The following CADM2 variants were observed in gnomAD, a reference collection of about 807,000 sequenced individuals.
The protein encoded by CADM2 is immunoglobulin superfamily member 4D.
In CADM2, 12 loss-of-function variants were observed where a neutral mutation model predicts 49.8. The observed-to-expected ratio is 0.24, with a 90% CI of 0.15 to 0.39. CADM2 has a LOEUF of 0.39. Ranked by LOEUF, CADM2 falls within the 10% of genes least tolerant of loss-of-function variation. The pLI, the probability that CADM2 is intolerant of heterozygous loss-of-function variation, is 1.00. For missense variants in CADM2, 378 were observed against 492.3 expected (o/e 0.77, Z 2.20); for synonymous variants, 214 against 175.4 (o/e 1.22, Z -1.74).
At chr3:85,085,919 G>T (rs1357364525) in intron 1 of CADM2, among the ~76,000 whole-genome samples, 2 of 152,070 alleles carry the variant, frequency 1.3e-5, no homozygotes, top group African/African-American at 4.8e-5. Flanking sequence ...CATGGGTAGG[G>T]CATCAGGGTG....
At chr3:86,047,765 A>G (rs1736843891) in intron 8 of CADM2, among the ~76,000 whole-genome samples, 1 of 151,852 alleles carries the variant, frequency 6.6e-6, no homozygotes, top group Admixed American at 6.6e-5. Flanking sequence ...AAAATTAACC[A>G]AAACACCAAC....
chr3:85,744,178 G>A (rs1377621624), intron 2 of CADM2, among the ~76,000 whole-genome samples: 1 of 152,126 alleles, frequency 6.6e-6, no homozygotes, highest in Non-Finnish European at 1.5e-5. Flanking sequence ...AACTCATGGA[G>A]AGTACAATGA....
intron 1 of CADM2, among the ~76,000 whole-genome samples, chr3:85,450,160 C>T (rs892423162): frequency 6.6e-6 from 1 of 152,014 alleles, no homozygotes; most frequent in African/African-American, 2.4e-5. Flanking sequence ...AAAGACGAAC[C>T]CTTGCATATT....
intron 1 of CADM2, among the ~76,000 whole-genome samples, chr3:84,984,899 A>C (rs1364576200): frequency 1.3e-5 from 2 of 152,210 alleles, no homozygotes; most frequent in Non-Finnish European, 2.9e-5. Flanking sequence ...TGTAATTCCA[A>C]GTAACCTTGA....
At chr3:85,815,424 T>C (rs1007108658) in intron 3 of CADM2, among the ~76,000 whole-genome samples, 2 of 152,158 alleles carry the variant, frequency 1.3e-5, no homozygotes, top group Admixed American at 6.6e-5. Flanking sequence ...ATACTTGGGA[T>C]GCAAGGCTGG....
chr3:85,057,914 A>G (rs2036150504), intron 1 of CADM2, among the ~76,000 whole-genome samples: 1 of 152,170 alleles, frequency 6.6e-6, no homozygotes, highest in African/African-American at 2.4e-5. Flanking sequence ...CATTTTCCCC[A>G]GAAACTTTTG....
chr3:85,290,095 G>T (rs1051885919), intron 1 of CADM2, among the ~76,000 whole-genome samples: 4 of 152,236 alleles, frequency 2.6e-5, no homozygotes, highest in Admixed American at 1.3e-4. Flanking sequence ...CACCGTGGGC[G>T]ATCCGAAGCA....
chr3:85,281,762 T>C (rs1193888953), intron 1 of CADM2, among the ~76,000 whole-genome samples: 1 of 152,112 alleles, frequency 6.6e-6, no homozygotes, highest in Non-Finnish European at 1.5e-5. Flanking sequence ...GTTGCAGATT[T>C]TGTATGTCAT....
At chr3:85,241,524 A>G (rs895151109) in intron 1 of CADM2, among the ~76,000 whole-genome samples, 1 of 151,570 alleles carries the variant, frequency 6.6e-6, no homozygotes, top group Non-Finnish European at 1.5e-5. Context: ...TTAGGATAAT[A>G]TCAACCATTT....
At chr3:85,945,730 C>G (rs192646084) in intron 7 of CADM2, among the ~76,000 whole-genome samples, 1 of 152,110 alleles carries the variant, frequency 6.6e-6, no homozygotes, top group Admixed American at 6.6e-5. Flanking sequence ...ATTCAACAGC[C>G]CTTCATGCTA....
chr3:85,001,333 AT>A (rs2033452719), intron 1 of CADM2, among the ~76,000 whole-genome samples: 3 of 152,026 alleles, frequency 2.0e-5, no homozygotes, highest in Admixed American at 1.3e-4. Flanking sequence ...AACTTAATTT[AT>A]TGATCTATTT....
At position 85,115,951 on chromosome 3, in the gene CADM2, A is replaced by G. The variant is rs138991344; in HGVS notation, c.61+156283A>G. Reference sequence around the variant, plus strand: ...AAGCATAAAGGATCCTAGTAACTGAATAACATCAGTAACACATTCATGATT... The same window carrying G: ...AAGCATAAAGGATCCTAGTAACTGAGTAACATCAGTAACACATTCATGATT... On this transcript the variant is annotated intron_variant, in intron 1 of 9. Coordinates refer to ENST00000383699, the MANE Select transcript of CADM2 (RefSeq NM_001167675.2). 7.7e-4 allele frequency among the ~76,000 whole-genome samples: 118 copies of G among 152,342 alleles called. 2 individuals carry two copies. In the East Asian group the frequency reaches 0.021, roughly 27 times the overall value.
chr3:85,196,027 G>C (rs1256458985), intron 1 of CADM2, among the ~76,000 whole-genome samples: 3 of 151,988 alleles, frequency 2.0e-5, no homozygotes, highest in Non-Finnish European at 4.4e-5. Flanking sequence ...TTTAATCTGA[G>C]TCTGACAATT....
At chr3:85,618,794 G>T (rs575613969) in intron 1 of CADM2, among the ~76,000 whole-genome samples, 47 of 151,928 alleles carry the variant, frequency 3.1e-4, no homozygotes, top group African/African-American at 1.1e-3. Flanking sequence ...TGTGACAATA[G>T]TGTCTATTTG....
intron 8 of CADM2, among the ~76,000 whole-genome samples, chr3:86,008,111 A>AG (rs200704879): frequency 0.029 from 4,477 of 152,254 alleles, 119 homozygotes; most frequent in African/African-American, 0.067. Context: ...AGCTAATTTG[A>AG]CATGTGAAAA....
At chr3:85,511,136 C>T (rs1269796556) in intron 1 of CADM2, among the ~76,000 whole-genome samples, 2 of 152,070 alleles carry the variant, frequency 1.3e-5, no homozygotes, top group African/African-American at 2.4e-5. Flanking sequence ...TTTAAAAGCA[C>T]ACCTCACCCC....
intron 1 of CADM2, among the ~76,000 whole-genome samples, chr3:85,396,303 T>A (rs2034786739): frequency 6.6e-6 from 1 of 151,912 alleles, no homozygotes; most frequent in Non-Finnish European, 1.5e-5. Context: ...ATAATTATTT[T>A]TTCACTTTAT....
chr3:86,051,573 C>T (rs967775505), intron 8 of CADM2, among the ~76,000 whole-genome samples: 3 of 152,168 alleles, frequency 2.0e-5, no homozygotes, highest in Middle Eastern at 6.8e-3. Flanking sequence ...TATAAATACC[C>T]GAGACTGGGT....
chr3:86,026,047 G>A (rs1577990565), intron 8 of CADM2, among the ~76,000 whole-genome samples: 1 of 152,006 alleles, frequency 6.6e-6, no homozygotes, highest in Non-Finnish European at 1.5e-5. Flanking sequence ...TGATAAATAA[G>A]AACAGCTATA....
Sources: gnomAD v4.1 joint callset for allele counts (sites outside exome capture counted in the v4.1 genomes callset) on GRCh38, gnomAD v4.1.1 for gene constraint, MANE v1.5 for transcripts, NCBI Gene and HGNC (gene_info 2026-07-23, HGNC 2026-07-21) for gene names.